The following SNAP25 variants were observed in gnomAD, a reference collection of about 807,000 sequenced individuals.
The protein encoded by SNAP25 is synaptosomal-associated protein 25.
Under a neutral mutation model 28.7 loss-of-function variants are expected in SNAP25, and 3 were observed. That is an observed-to-expected ratio of 0.10 (90% CI 0.05 to 0.27). The LOEUF is 0.27. Among genes scored for constraint, SNAP25 ranks in the 10% least tolerant of loss-of-function variants. The pLI, the probability that SNAP25 is intolerant of heterozygous loss-of-function variation, is 1.00. For synonymous variants in SNAP25, 61 were observed against 88.1 expected, an observed-to-expected ratio of 0.69 and a Z score of 1.72; for missense variants, 117 against 278.7, an observed-to-expected ratio of 0.42 and a Z score of 4.13.
intron 7 of SNAP25, among the ~76,000 whole-genome samples, chr20:10,305,727 G>T (rs2064339406): frequency 3.3e-5 from 5 of 152,048 alleles, no homozygotes; most frequent in Admixed American, 2.6e-4. Context: ...AATTAGCCAT[G>T]GTTTCAATCC....
At position 10,264,203 on chromosome 20, in the gene SNAP25, T is replaced by C. The variant is rs138749175; in HGVS notation, c.-63-11226T>C. On this transcript the variant is annotated intron_variant, in intron 1 of 7. Coordinates refer to ENST00000254976, the MANE Select transcript of SNAP25 (RefSeq NM_130811.4). ...TACAAAACCCAAGCAGAGGCCGCTT[T>C]TCACGATGCTGTCACTAATCCTGGA... is the stretch of plus-strand genomic sequence containing the variant. Among the ~76,000 whole-genome samples, 120 of 152,158 alleles carry C rather than the reference T, an allele frequency of 7.9e-4. 1 individual carries two copies. The highest frequency in any genetic ancestry group is 3.4e-3 in the Middle Eastern group (1 of 294).
chr20:10,285,041 C>T (rs1302516529), intron 4 of SNAP25, among the ~76,000 whole-genome samples: 2 of 147,418 alleles, frequency 1.4e-5, no homozygotes, highest in East Asian at 3.9e-4. Context: ...AAGGCAAAAG[C>T]CATTTTTTTT....
At chr20:10,296,580 G>A (rs1387361484) in intron 5 of SNAP25, 4 of 251,432 alleles carry the variant, frequency 1.6e-5, no homozygotes, top group Non-Finnish European at 3.1e-5. Context: ...TCTGTTTTAT[G>A]TCTCCAAATA....
In SNAP25 at chr20:10,270,172, G is replaced by A. The variant is rs578225116; in HGVS notation, c.-63-5257G>A. ...GGAGGCCGAGGGAGGAGAATTGCTT[G>A]AAATCTGGGAGGCAGAGGTTGTGGT... On this transcript the variant is annotated intron_variant, in intron 1 of 7. Coordinates refer to ENST00000254976, the MANE Select transcript of SNAP25 (RefSeq NM_130811.4). 2.0e-5 allele frequency among the ~76,000 whole-genome samples: 3 copies of A among 152,232 alleles called. No individual in the cohort carries two copies. The South Asian group carries it at 6.2e-4, about 32-fold the overall frequency.
In SNAP25 at chr20:10,238,945, A is replaced by G. The variant is rs190924693; in HGVS notation, c.-64+19968A>G. ...TAATAATAATATCAATAAAGCATCA[A>G]TGCTGGCACCATCTCTGGTGGGGAC... On this transcript the variant is annotated intron_variant, in intron 1 of 7. Transcript: ENST00000254976. Among the ~76,000 whole-genome samples the G allele has an allele frequency of 1.9e-3, 295 of 152,138 alleles. 2 individuals carry two copies. Among genetic ancestry groups the G allele is most frequent in the African/African-American group, 6.8e-3 (280 of 41,464 alleles).
At chr20:10,240,107 T>C (rs1164652942) in intron 1 of SNAP25, among the ~76,000 whole-genome samples, 1 of 152,172 alleles carries the variant, frequency 6.6e-6, no homozygotes, top group Non-Finnish European at 1.5e-5. Context: ...CTTTCTCCAC[T>C]TCCAAGCTCA....
chr20:10,234,149 T>A (rs546327160), intron 1 of SNAP25, among the ~76,000 whole-genome samples: 1 of 150,108 alleles, frequency 6.7e-6, no homozygotes, highest in African/African-American at 2.5e-5. Flanking sequence ...TGATCCTTGT[T>A]TCTTTTTTCT....
intron 1 of SNAP25, among the ~76,000 whole-genome samples, chr20:10,231,248 A>G (rs1488293867): frequency 6.6e-6 from 1 of 151,908 alleles, no homozygotes; most frequent in Non-Finnish European, 1.5e-5. Flanking sequence ...TTAAAATACC[A>G]ATTGCCCTTG....
chr20:10,227,889 G>T (rs1272422878), intron 1 of SNAP25, among the ~76,000 whole-genome samples: 20 of 152,040 alleles, frequency 1.3e-4, no homozygotes, highest in Admixed American at 1.3e-3. Context: ...TGTTTTCAGG[G>T]TCACATATTT....
intron 1 of SNAP25, among the ~76,000 whole-genome samples, chr20:10,247,827 G>C (rs1568586658): frequency 1.3e-5 from 2 of 152,190 alleles, no homozygotes; most frequent in African/African-American, 4.8e-5. Context: ...TGTAACAAAT[G>C]ACCCTCAACT....
chr20:10,232,447 C>T (rs2423487), intron 1 of SNAP25, among the ~76,000 whole-genome samples: 135,751 of 152,246 alleles, frequency 0.89, 60,587 homozygotes, highest in Middle Eastern at 0.95. Flanking sequence ...AAAGGTTGGG[C>T]TGAATAGCAA....
intron 1 of SNAP25, among the ~76,000 whole-genome samples, chr20:10,263,838 T>A (rs1358473828): frequency 6.6e-6 from 1 of 152,158 alleles, no homozygotes; most frequent in Non-Finnish European, 1.5e-5. Flanking sequence ...TAGCACTCTG[T>A]AAATATTGGT....
In SNAP25 at chr20:10,299,419, A is replaced by C; in HGVS notation, c.552+7A>C. 2 of 1,611,256 alleles carry C rather than the reference A, an allele frequency of 1.2e-6. No homozygotes were observed. Among genetic ancestry groups the C allele is most frequent in the Non-Finnish European group, 8.5e-7 (1 of 1,177,956 alleles). On this transcript the variant is annotated splice_region_variant and intron_variant, in intron 7 of 7. Coordinates refer to ENST00000254976, the MANE Select transcript of SNAP25 (RefSeq NM_130811.4). ...CGACAGGATCATGGAGAAGGTGAGCACGTGGCAGTCAGCAAGTCCCTACTG... is the reference window on the plus strand; with the variant it reads ...CGACAGGATCATGGAGAAGGTGAGCCCGTGGCAGTCAGCAAGTCCCTACTG...
chr20:10,275,170 A>C (rs1428361088), intron 1 of SNAP25, among the ~76,000 whole-genome samples: 1 of 152,158 alleles, frequency 6.6e-6, no homozygotes, highest in Non-Finnish European at 1.5e-5. Context: ...CATCATTCCC[A>C]ACCCTTGGGT....
At chr20:10,294,630 A>G (rs1055650015) in intron 5 of SNAP25, among the ~76,000 whole-genome samples, 9 of 152,218 alleles carry the variant, frequency 5.9e-5, no homozygotes, top group African/African-American at 1.7e-4. Context: ...AGCAATCAGT[A>G]TAAATGATAA....
At chr20:10,232,696 G>A (rs537041649) in intron 1 of SNAP25, among the ~76,000 whole-genome samples, 19 of 152,314 alleles carry the variant, frequency 1.2e-4, no homozygotes, top group African/African-American at 4.6e-4. Flanking sequence ...AGTAGATGAA[G>A]TCCTGTTCTC....
intron 1 of SNAP25, among the ~76,000 whole-genome samples, chr20:10,253,313 C>T (rs1016270448): frequency 6.6e-6 from 1 of 152,178 alleles, no homozygotes; most frequent in African/African-American, 2.4e-5. Context: ...TCTTCACATC[C>T]AGAATCTCAT....
At chr20:10,258,723 G>A (rs943516751) in intron 1 of SNAP25, among the ~76,000 whole-genome samples, 2 of 152,142 alleles carry the variant, frequency 1.3e-5, no homozygotes, top group Non-Finnish European at 2.9e-5. Context: ...TAAGCAATTC[G>A]ATATTTGGGT....
intron 1 of SNAP25, among the ~76,000 whole-genome samples, chr20:10,241,576 T>C (rs2063034159): frequency 6.6e-6 from 1 of 151,744 alleles, no homozygotes; most frequent in Non-Finnish European, 1.5e-5. Context: ...GAGATTGAAA[T>C]AGGGTGAGGT....
Sources: allele counts gnomAD v4.1 joint callset (sites outside exome capture counted in the v4.1 genomes callset), GRCh38; gene constraint gnomAD v4.1.1; transcripts MANE v1.5; gene names NCBI Gene and HGNC (gene_info 2026-07-23, HGNC 2026-07-21).